Variants in MAPK4 observed in about 807,000 individuals in gnomAD.
MAPK4 encodes the protein mitogen-activated protein kinase 4.
MAPK4 carries 22 observed loss-of-function variants against 47.7 expected under a neutral mutation model. The observed-to-expected ratio is 0.46, with a 90% CI of 0.33 to 0.66. The LOEUF (loss-of-function observed/expected upper bound fraction) is 0.66. MAPK4 is among the 30% of genes least tolerant of loss of function. The pLI, the probability that MAPK4 is intolerant of heterozygous loss-of-function variation, is 0.02. For missense variants in MAPK4, 736 were observed against 831.7 expected (o/e 0.88, Z 1.42); for synonymous variants, 390 against 365.7 (o/e 1.07, Z -0.76).
intron 1 of MAPK4, among the ~76,000 whole-genome samples, chr18:50,627,995 T>C (rs190868241): frequency 6.6e-6 from 1 of 152,252 alleles, no homozygotes; most frequent in Admixed American, 6.5e-5. Flanking sequence ...GATTTTGTCA[T>C]CAGGGAATAA....
intron 1 of MAPK4, among the ~76,000 whole-genome samples, chr18:50,646,147 C>G (rs1467211150): frequency 6.6e-6 from 1 of 152,186 alleles, no homozygotes; most frequent in Non-Finnish European, 1.5e-5. Flanking sequence ...AGAGGTCAGA[C>G]TTGAGCTCAG....
At chr18:50,643,845 C>A (rs1164868412) in intron 1 of MAPK4, among the ~76,000 whole-genome samples, 1 of 152,196 alleles carries the variant, frequency 6.6e-6, no homozygotes, top group Non-Finnish European at 1.5e-5. Context: ...CCTGCACCTA[C>A]CCTCACCTCA....
intron 1 of MAPK4, among the ~76,000 whole-genome samples, chr18:50,568,657 G>A (rs1301332613): frequency 3.9e-5 from 6 of 152,148 alleles, no homozygotes; most frequent in Admixed American, 2.0e-4. Flanking sequence ...CTATTTCTGG[G>A]AGACTTTGTG....
At chr18:50,695,425 G>A (rs1442237795) in intron 2 of MAPK4, among the ~76,000 whole-genome samples, 2 of 150,546 alleles carry the variant, frequency 1.3e-5, no homozygotes, top group African/African-American at 2.4e-5. Context: ...TGAAGCGAGT[G>A]ATACCGACTG....
At chr18:50,618,816 A>G (rs949527779) in intron 1 of MAPK4, among the ~76,000 whole-genome samples, 1 of 152,180 alleles carries the variant, frequency 6.6e-6, no homozygotes, top group Admixed American at 6.5e-5. Context: ...GTTTGAAAGG[A>G]TGGATCAGGG....
At chr18:50,695,370 A>C (rs2144362643) in intron 2 of MAPK4, among the ~76,000 whole-genome samples, 1 of 148,806 alleles carries the variant, frequency 6.7e-6, no homozygotes, top group African/African-American at 2.5e-5. Flanking sequence ...AAAAAGATAG[A>C]CTCAAGTCTT....
chr18:50,727,344 CAG>C (rs1465607202), intron 5 of MAPK4, among the ~76,000 whole-genome samples: 1 of 152,186 alleles, frequency 6.6e-6, no homozygotes, highest in African/African-American at 2.4e-5. Context: ...ACATAAGTGA[CAG>C]ATGAGCAATT....
intron 2 of MAPK4, among the ~76,000 whole-genome samples, chr18:50,689,739 AAAG>A (rs931320332): frequency 3.9e-5 from 6 of 151,988 alleles, no homozygotes; most frequent in African/African-American, 1.5e-4. Context: ...AAATTTTAAA[AAAG>A]GGGGGCTGTT....
intron 1 of MAPK4, among the ~76,000 whole-genome samples, chr18:50,573,943 A>G (rs747850338): frequency 3.3e-5 from 5 of 152,218 alleles, no homozygotes; most frequent in Admixed American, 1.3e-4. Context: ...GGGAAAACTG[A>G]AGCTACGGGA....
At chr18:50,684,970 C>T (rs559800967) in intron 2 of MAPK4, among the ~76,000 whole-genome samples, 2 of 152,330 alleles carry the variant, frequency 1.3e-5, no homozygotes, top group East Asian at 3.9e-4. Context: ...CCTCCATCTC[C>T]TTCTCTTCTC....
intron 2 of MAPK4, chr18:50,706,133 A>G (rs1910039327): frequency 6.6e-6 from 1 of 152,190 alleles, no homozygotes; most frequent in Non-Finnish European, 1.5e-5. Flanking sequence ...GATAGCTATT[A>G]TTATGATCAG....
chr18:50,603,527 C>T (rs2042558310), intron 1 of MAPK4, among the ~76,000 whole-genome samples: 1 of 152,190 alleles, frequency 6.6e-6, no homozygotes, highest in East Asian at 1.9e-4. Context: ...GCAAATGTGA[C>T]TCTGTCATTC....
chr18:50,722,801 G>A (rs941911394), intron 4 of MAPK4, among the ~76,000 whole-genome samples: 6 of 152,128 alleles, frequency 3.9e-5, no homozygotes, highest in Non-Finnish European at 7.3e-5. Context: ...GGTGAAAGGC[G>A]GGCTCTGGAT....
chr18:50,605,582 A>C (rs2042576008), intron 1 of MAPK4, among the ~76,000 whole-genome samples: 1 of 152,146 alleles, frequency 6.6e-6, no homozygotes, highest in African/African-American at 2.4e-5. Flanking sequence ...GTCACTTCTA[A>C]CTGGGCAGTT....
intron 1 of MAPK4, among the ~76,000 whole-genome samples, chr18:50,639,307 A>G (rs1419039862): frequency 6.6e-6 from 1 of 152,216 alleles, no homozygotes; most frequent in Non-Finnish European, 1.5e-5. Context: ...TCTGAGACAG[A>G]AATCTGTCAT....
At chr18:50,700,447 T>C (rs1475013506) in intron 2 of MAPK4, among the ~76,000 whole-genome samples, 3 of 152,226 alleles carry the variant, frequency 2.0e-5, no homozygotes, top group African/African-American at 7.2e-5. Flanking sequence ...TAGCTACAGG[T>C]GCACACATCA....
At chr18:50,692,793 C>G (rs558062864) in intron 2 of MAPK4, among the ~76,000 whole-genome samples, 1 of 152,058 alleles carries the variant, frequency 6.6e-6, no homozygotes, top group Non-Finnish European at 1.5e-5. Context: ...CAGCTTTGAT[C>G]GTGTCCTTTT....
intron 2 of MAPK4, among the ~76,000 whole-genome samples, chr18:50,683,371 C>A (rs1167154595): frequency 6.6e-6 from 1 of 151,836 alleles, no homozygotes; most frequent in African/African-American, 2.4e-5. Context: ...GATCCGCCTG[C>A]CTCACCCTCC....
At chr18:50,704,702 T>G (rs1007979143) in intron 2 of MAPK4, 1 of 398,532 alleles carries the variant, frequency 2.5e-6, no homozygotes, top group Non-Finnish European at 4.4e-6. Flanking sequence ...GAGGGAACTT[T>G]GGGGCCTGGA....
Sources: allele counts gnomAD v4.1 joint callset (sites outside exome capture counted in the v4.1 genomes callset), GRCh38; gene constraint gnomAD v4.1.1; transcripts MANE v1.5; gene names NCBI Gene and HGNC (gene_info 2026-07-23, HGNC 2026-07-21).